Variants in INPP5A observed in about 807,000 individuals in gnomAD.
The protein encoded by INPP5A is 43 kDa inositol polyphosphate 5-phophatase.
In INPP5A, 14 loss-of-function variants were observed where a neutral mutation model predicts 65.2. The observed-to-expected ratio is 0.21, with a 90% confidence interval of 0.14 to 0.34. The LOEUF is 0.34. Among genes scored for constraint, INPP5A ranks in the 10% least tolerant of loss-of-function variants. INPP5A has a pLI of 1.00. For synonymous variants in INPP5A, 207 were observed against 208.3 expected, an observed-to-expected ratio of 0.99 and a Z score of 0.05; for missense variants, 431 against 545.6, an observed-to-expected ratio of 0.79 and a Z score of 2.09.
chr10:132,571,691 G>A (rs1445689356), intron 1 of INPP5A, among the ~76,000 whole-genome samples: 6 of 152,194 alleles, frequency 3.9e-5, no homozygotes, highest in Non-Finnish European at 8.8e-5. Context: ...TGTCATCCCC[G>A]CAGCCCTGAC....
At chr10:132,608,059 C>G in intron 2 of INPP5A, 103 bp downstream of exon 2, 1 of 1,049,600 alleles carries the variant, frequency 9.5e-7, no homozygotes. Flanking sequence ...CTATGGGGAG[C>G]GCAGGCCTGG....
intron 9 of INPP5A, among the ~76,000 whole-genome samples, chr10:132,740,053 G>T (rs1287677937): frequency 6.6e-6 from 1 of 152,204 alleles, no homozygotes; most frequent in African/African-American, 2.4e-5. Flanking sequence ...GAAGCGATTG[G>T]CTGGTTGTCC....
At chr10:132,544,117 C>T (rs1236351230) in intron 1 of INPP5A, among the ~76,000 whole-genome samples, 2 of 152,262 alleles carry the variant, frequency 1.3e-5, no homozygotes, top group Non-Finnish European at 2.9e-5. Flanking sequence ...TCAGTGTTGG[C>T]GCCCCTGGGC....
intron 1 of INPP5A, among the ~76,000 whole-genome samples, chr10:132,599,773 G>A (rs1187438212): frequency 6.6e-6 from 1 of 152,260 alleles, no homozygotes; most frequent in East Asian, 1.9e-4. Context: ...AAATCTGGGT[G>A]GAGGTTCCCA....
At chr10:132,581,798 A>G (rs2071487541) in intron 1 of INPP5A, among the ~76,000 whole-genome samples, 2 of 151,568 alleles carry the variant, frequency 1.3e-5, no homozygotes, top group South Asian at 4.2e-4. Context: ...TGTCAGATGT[A>G]TATTTTGTGA....
At chr10:132,710,498 G>T in intron 8 of INPP5A, 42 bp downstream of exon 8, 1 of 1,599,624 alleles carries the variant, frequency 6.3e-7, no homozygotes, top group Non-Finnish European at 8.5e-7. Flanking sequence ...GGGCAAGTAG[G>T]TGTGCTGGGC....
At chr10:132,567,033 T>C (rs1185829713) in intron 1 of INPP5A, among the ~76,000 whole-genome samples, 2 of 152,184 alleles carry the variant, frequency 1.3e-5, no homozygotes, top group African/African-American at 2.4e-5. Flanking sequence ...CCGGCTCCTG[T>C]AGGCTGCAGT....
intron 2 of INPP5A, among the ~76,000 whole-genome samples, chr10:132,621,932 A>G (rs76616817): frequency 0.015 from 2,302 of 152,300 alleles, 33 homozygotes; most frequent in South Asian, 0.039. Context: ...ACAAAAGGAA[A>G]CAAAAGTCAT....
At chr10:132,562,930 G>T (rs2071224241) in intron 1 of INPP5A, among the ~76,000 whole-genome samples, 1 of 152,202 alleles carries the variant, frequency 6.6e-6, no homozygotes, top group African/African-American at 2.4e-5. Flanking sequence ...GCTCCCTGGT[G>T]CCCCCTTCCC....
Position 132,592,501 on chromosome 10 carries a change from C to T in INPP5A, c.76-15414C>T, listed in dbSNP as rs1324984038. ...CACGACCTCAGCTCACTGCAGCCTC[C>T]GCCTCCCGGGTTCAAGTGATTCTCC... On this transcript the variant is annotated intron_variant, in intron 1 of 15. Coordinates refer to ENST00000368594, the MANE Select transcript of INPP5A (RefSeq NM_005539.5). Among the ~76,000 whole-genome samples the T allele has an allele frequency of 2.0e-5, 3 of 152,152 alleles. No homozygotes were observed. In the South Asian group the frequency reaches 6.2e-4, roughly 32 times the overall value.
intron 2 of INPP5A, among the ~76,000 whole-genome samples, chr10:132,617,701 G>A (rs1460321727): frequency 2.0e-5 from 3 of 152,234 alleles, no homozygotes; most frequent in Admixed American, 1.3e-4. Context: ...GGCACGTGGC[G>A]TGTGTGGAGC....
chr10:132,548,595 G>A (rs2071008391), intron 1 of INPP5A, among the ~76,000 whole-genome samples: 1 of 152,118 alleles, frequency 6.6e-6, no homozygotes, highest in South Asian at 2.1e-4. Context: ...CCAGTTTTGA[G>A]ACACTTCCCT....
chr10:132,551,674 C>T lies in INPP5A; in HGVS notation c.75+13503C>T, dbSNP rs1245282625. ...GTGCCTCCCTCGCTGCTGCAGTGGGCAGTGTGTGCGTCGTACACAGGTGGA... is the reference window on the plus strand; with the variant it reads ...GTGCCTCCCTCGCTGCTGCAGTGGGTAGTGTGTGCGTCGTACACAGGTGGA... On this transcript the variant is annotated intron_variant, in intron 1 of 15. Coordinates refer to ENST00000368594, the MANE Select transcript of INPP5A (RefSeq NM_005539.5). This position sits in a 1 kb window ranked among gnomAD's most constrained non-coding sequence, Gnocchi z 5.3. Among the ~76,000 whole-genome samples, 3 of 152,188 alleles carry T rather than the reference C, an allele frequency of 2.0e-5. No individual in the cohort carries two copies. The highest frequency in any genetic ancestry group is 4.4e-5 in the Non-Finnish European group (3 of 68,036).
At chr10:132,554,627 C>T (rs968821374) in intron 1 of INPP5A, among the ~76,000 whole-genome samples, 2 of 149,556 alleles carry the variant, frequency 1.3e-5, no homozygotes, top group African/African-American at 4.9e-5. Flanking sequence ...ATGATTAGCA[C>T]TGATGTGGGT....
Position 132,538,189 on chromosome 10 carries a change from G to T in INPP5A, c.75+18G>T. 1 of 1,268,998 alleles carries T rather than the reference G, an allele frequency of 7.9e-7. No homozygotes were observed. Among genetic ancestry groups the T allele is most frequent in the Non-Finnish European group, 1.0e-6 (1 of 1,002,838 alleles). 78.6% of individuals were successfully genotyped at this position (1,268,998 alleles called of 1,614,324 possible). The stretch of plus-strand genomic sequence containing the variant: ...TCGACGACGTAAGTCCCCCGTGCCG[G>T]CGGCAGGCCCCAAGCCCGGAACCCC... On this transcript the variant is annotated intron_variant, in intron 1 of 15. Coordinates refer to ENST00000368594, the MANE Select transcript of INPP5A (RefSeq NM_005539.5). The surrounding 1 kb of genome is among the most constrained non-coding windows in gnomAD (Gnocchi z 4.1).
chr10:132,695,614 CA>C (rs1462531693), intron 5 of INPP5A, among the ~76,000 whole-genome samples: 1 of 152,188 alleles, frequency 6.6e-6, no homozygotes, highest in Non-Finnish European at 1.5e-5. Flanking sequence ...GCAACAATAA[CA>C]GACAAACCTG....
In INPP5A at chr10:132,727,732, G is replaced by C. The variant is rs2134584033; in HGVS notation, c.732+827G>C. Among the ~76,000 whole-genome samples the C allele has an allele frequency of 6.6e-6, 1 of 152,280 alleles. No individual in the cohort carries two copies. The highest frequency in any genetic ancestry group is 1.9e-4 in the East Asian group (1 of 5,188). ...TGGCCCCTCCAGGTGCTGGGCATGA[G>C]CTGACAGCCCACAGCGGGGCCACAG... On this transcript the variant is annotated intron_variant, in intron 9 of 15. Transcript: ENST00000368594. This position sits in a 1 kb window ranked among gnomAD's most constrained non-coding sequence, Gnocchi z 6.5.
chr10:132,769,016 C>T (rs549553480), intron 12 of INPP5A, among the ~76,000 whole-genome samples: 9 of 152,330 alleles, frequency 5.9e-5, no homozygotes, highest in Middle Eastern at 3.4e-3. Flanking sequence ...TGAGAGGAGA[C>T]AGCATTCCTA....
intron 1 of INPP5A, among the ~76,000 whole-genome samples, chr10:132,554,326 C>T (rs753979226): frequency 1.4e-4 from 22 of 152,122 alleles, no homozygotes; most frequent in Admixed American, 5.9e-4. Flanking sequence ...GGGATTTGTC[C>T]AGTGGCTGGA....
Sources: allele counts gnomAD v4.1 joint callset (sites outside exome capture counted in the v4.1 genomes callset), GRCh38; gene constraint gnomAD v4.1.1; non-coding constraint Gnocchi (gnomAD v3.1); transcripts MANE v1.5; gene names NCBI Gene and HGNC (gene_info 2026-07-23, HGNC 2026-07-21).